The following XPO7 variants were observed in gnomAD, a reference collection of about 807,000 sequenced individuals.
XPO7 encodes the protein exportin 7, also known as exportin-7.
XPO7 carries 21 observed loss-of-function variants against 144.3 expected under a neutral mutation model. That is an observed-to-expected ratio of 0.15 (90% CI 0.10 to 0.21). The LOEUF (loss-of-function observed/expected upper bound fraction) is 0.21. XPO7 is among the 10% of genes least tolerant of loss of function. The pLI is 1.00. For synonymous variants in XPO7, 580 were observed against 499.6 expected, an observed-to-expected ratio of 1.16 and a Z score of -2.15; for missense variants, 808 against 1,325.8, an observed-to-expected ratio of 0.61 and a Z score of 6.06.
chr8:21,983,946 G>C (rs936970286), intron 11 of XPO7, among the ~76,000 whole-genome samples: 1 of 152,176 alleles, frequency 6.6e-6, no homozygotes, highest in Non-Finnish European at 1.5e-5. Flanking sequence ...GGAGCTGGCA[G>C]ATAAGGCAAG....
At chr8:21,941,974 A>G (rs1365058378) in intron 1 of XPO7, among the ~76,000 whole-genome samples, 1 of 152,230 alleles carries the variant, frequency 6.6e-6, no homozygotes, top group Non-Finnish European at 1.5e-5. Flanking sequence ...CTAAAACCAT[A>G]AAAAGAAAAT....
Position 21,974,688 on chromosome 8 carries a change from T to G in XPO7, c.511T>G (p.Leu171Val), listed in dbSNP as rs1182649019. ...EINQADTTHP[L>V]TKHRKIASSF... ...TGCACAGGCAGACACCACCCATCCT[T>G]TAACCAAGCACAGAAAAATAGCCTC... Residue 171 changes from leucine (L) to valine (V), a missense_variant, in exon 6 of 28, where the codon TTA (leucine) becomes GTA (valine). Around this residue, in one of 5 missense-constraint regions of XPO7, gnomAD observed 223 missense variants for 368.8 expected, o/e 0.60. Transcript: ENST00000252512. 3 of 1,592,318 alleles carry G rather than the reference T, an allele frequency of 1.9e-6. No individual in the cohort carries two copies. The highest frequency in any genetic ancestry group is 2.6e-6 in the Non-Finnish European group (3 of 1,168,832).
At chr8:21,967,748 C>T (rs920341011) in intron 2 of XPO7, among the ~76,000 whole-genome samples, 2 of 152,176 alleles carry the variant, frequency 1.3e-5, no homozygotes, top group African/African-American at 4.8e-5. Flanking sequence ...GAACAGTGAC[C>T]TTGACAATGA....
intron 1 of XPO7, among the ~76,000 whole-genome samples, chr8:21,926,058 A>G (rs954583804): frequency 2.0e-5 from 3 of 152,212 alleles, no homozygotes; most frequent in Non-Finnish European, 4.4e-5. Context: ...AATTAACATT[A>G]TTAGTCAAAT....
At chr8:21,971,384 A>T (rs1262010024) in intron 4 of XPO7, among the ~76,000 whole-genome samples, 1 of 152,320 alleles carries the variant, frequency 6.6e-6, no homozygotes, top group South Asian at 2.1e-4. Flanking sequence ...TTCTAATTTA[A>T]TAGGTTAAAA....
At chr8:21,944,080 G>T (rs562651790) in intron 1 of XPO7, among the ~76,000 whole-genome samples, 41 of 152,092 alleles carry the variant, frequency 2.7e-4, no homozygotes, top group Non-Finnish European at 5.6e-4. Flanking sequence ...TCAAATATTC[G>T]TTGAATCATT....
At chr8:21,944,098 T>C (rs1160208080) in intron 1 of XPO7, among the ~76,000 whole-genome samples, 1 of 152,190 alleles carries the variant, frequency 6.6e-6, no homozygotes, top group Non-Finnish European at 1.5e-5. Flanking sequence ...ATTGAGTAAC[T>C]AGTTGAATGG....
At chr8:21,952,201 A>G (rs1162809294) in intron 1 of XPO7, among the ~76,000 whole-genome samples, 1 of 152,212 alleles carries the variant, frequency 6.6e-6, no homozygotes, top group Non-Finnish European at 1.5e-5. Context: ...AAATAAATGT[A>G]TTGCTATGCT....
At chr8:21,967,846 A>G (rs1811935651) in intron 2 of XPO7, among the ~76,000 whole-genome samples, 1 of 152,206 alleles carries the variant, frequency 6.6e-6, no homozygotes, top group Non-Finnish European at 1.5e-5. Flanking sequence ...AATGTTCCTG[A>G]GATACAATTT....
intron 8 of XPO7, among the ~76,000 whole-genome samples, chr8:21,979,154 T>C (rs1258925109): frequency 2.6e-5 from 4 of 152,172 alleles, no homozygotes; most frequent in Non-Finnish European, 4.4e-5. Context: ...CAAGCGATTC[T>C]CCTGCCTCAG....
intron 21 of XPO7, among the ~76,000 whole-genome samples, chr8:21,998,344 A>G (rs1585482919): frequency 6.6e-6 from 1 of 152,130 alleles, no homozygotes; most frequent in Non-Finnish European, 1.5e-5. Flanking sequence ...GGGAGGCTGA[A>G]GCAGGAGAAT....
intron 1 of XPO7, chr8:21,921,467 G>C (rs1413313232): frequency 1.3e-5 from 2 of 152,152 alleles, no homozygotes; most frequent in East Asian, 3.8e-4. Context: ...TGCAGAGGGA[G>C]TCAGTACTTT....
chr8:21,995,648 G>C lies in XPO7; in HGVS notation c.2345+49G>C. 2.1e-6 allele frequency: 3 copies of C among 1,436,822 alleles called. No individual in the cohort carries two copies. The South Asian group carries it at 3.7e-5, about 18-fold the overall frequency. The allele number at this position is 1,436,822 out of a possible 1,614,324, so 89.0% of individuals were successfully genotyped here. Reference sequence around the variant, plus strand: ...AGGGCACATCTGCCCTGTTATCTGAGAGAATTTGCTGTATCTAGTGCTTTG... The same window carrying C: ...AGGGCACATCTGCCCTGTTATCTGACAGAATTTGCTGTATCTAGTGCTTTG... On this transcript the variant is annotated intron_variant, in intron 21 of 27. Coordinates refer to ENST00000252512, the MANE Select transcript of XPO7 (RefSeq NM_015024.5).
intron 1 of XPO7, among the ~76,000 whole-genome samples, chr8:21,951,723 T>C (rs1226516633): frequency 1.3e-5 from 2 of 152,248 alleles, no homozygotes; most frequent in East Asian, 1.9e-4. Flanking sequence ...GTCAACTGTT[T>C]TGTTATTGTC....
At chr8:21,933,146 G>A (rs1185784179) in intron 1 of XPO7, among the ~76,000 whole-genome samples, 7 of 142,126 alleles carry the variant, frequency 4.9e-5, no homozygotes, top group African/African-American at 1.9e-4. Flanking sequence ...TGTCGCCCAG[G>A]CTGGAGTACA....
At chr8:21,963,220 C>T (rs1460697933) in intron 1 of XPO7, among the ~76,000 whole-genome samples, 2 of 152,152 alleles carry the variant, frequency 1.3e-5, no homozygotes, top group Non-Finnish European at 2.9e-5. Context: ...GGCTGGGTGG[C>T]AGTCAGGTTA....
At chr8:22,001,368 C>G (rs1025901260) in intron 24 of XPO7, among the ~76,000 whole-genome samples, 17 of 152,082 alleles carry the variant, frequency 1.1e-4, no homozygotes, top group African/African-American at 3.6e-4. Context: ...CTATCAGTCC[C>G]GTAGGAATCA....
intron 4 of XPO7, 34 bp downstream of exon 4, chr8:21,970,344 G>C: frequency 6.9e-6 from 11 of 1,593,608 alleles, no homozygotes; most frequent in Non-Finnish European, 9.4e-6. Flanking sequence ...ATGGGAATGG[G>C]AGAACCAGCA....
intron 16 of XPO7, among the ~76,000 whole-genome samples, chr8:21,989,928 C>CA (rs1371075388): frequency 7.2e-6 from 1 of 139,322 alleles, no homozygotes; most frequent in Non-Finnish European, 1.5e-5. Context: ...CGGCTCACTA[C>CA]AAGCTCCGCC....
Sources: allele counts gnomAD v4.1 joint callset (sites outside exome capture counted in the v4.1 genomes callset), GRCh38; gene constraint gnomAD v4.1.1; regional missense constraint gnomAD v4.1.1; transcripts MANE v1.5; gene names NCBI Gene and HGNC (gene_info 2026-07-23, HGNC 2026-07-21).